MTMR9: variants seen among roughly 807,000 people sequenced by gnomAD.
MTMR9 encodes myotubularin related protein 9.
MTMR9 carries 39 observed loss-of-function variants against 69.5 expected under a neutral mutation model. The observed-to-expected ratio is 0.56, with a 90% confidence interval of 0.43 to 0.73. MTMR9 has a LOEUF of 0.73. Among genes scored for constraint, MTMR9 ranks in the 30% least tolerant of loss-of-function variants. MTMR9 has a pLI of 0.00. For missense variants in MTMR9, 900 were observed against 671.2 expected (o/e 1.34, Z -3.77); for synonymous variants, 354 against 240.8 (o/e 1.47, Z -4.35).
At chr8:11,291,225 CA>C (rs1197583537) in intron 1 of MTMR9, among the ~76,000 whole-genome samples, 1 of 152,022 alleles carries the variant, frequency 6.6e-6, no homozygotes, top group Non-Finnish European at 1.5e-5. Context: ...CATCCATGAA[CA>C]ATGTTACATT....
intron 3 of MTMR9, among the ~76,000 whole-genome samples, chr8:11,302,694 C>G (rs1293390998): frequency 6.6e-6 from 1 of 152,098 alleles, no homozygotes; most frequent in Non-Finnish European, 1.5e-5. Flanking sequence ...GTGACTACTT[C>G]TAGTCAGCTC....
Position 11,314,736 on chromosome 8 carries a change from C to T in MTMR9, c.972-187C>T, listed in dbSNP as rs553279076. 7.2e-5 allele frequency among the ~76,000 whole-genome samples: 11 copies of T among 152,232 alleles called. No individual in the cohort carries two copies. In the South Asian group the frequency reaches 1.7e-3, roughly 23 times the overall value. ...TTTTTCCCAAGAGAATCTTATCTAT[C>T]GTATGCCTTAGATTTAGATTTAGAT... On this transcript the variant is annotated intron_variant, in intron 6 of 9. Transcript: ENST00000221086.
chr8:11,306,306 C>G lies in MTMR9; in HGVS notation c.708C>G (p.Thr236=), dbSNP rs1799939928. The G allele has an allele frequency of 6.2e-7, 1 of 1,614,016 alleles. No individual in the cohort carries two copies. The change falls in exon 5 of 10, where the codon ACC becomes ACG. Residue 236 remains threonine, a synonymous_variant. Coordinates refer to ENST00000221086, the MANE Select transcript of MTMR9 (RefSeq NM_015458.4). ...RAGKRGYIID[T]RSLNVAQQTR... The stretch of plus-strand genomic sequence containing the variant: ...GAAAGCGTGGCTACATCATTGACAC[C>G]CGATCCCTGAACGTGGCTCAGCAAA...
chr8:11,292,960 G>A (rs1217794945), intron 1 of MTMR9, among the ~76,000 whole-genome samples: 2 of 152,116 alleles, frequency 1.3e-5, no homozygotes, highest in Non-Finnish European at 2.9e-5. Flanking sequence ...ATTTACTATA[G>A]TATACTTGTT....
intron 6 of MTMR9, among the ~76,000 whole-genome samples, chr8:11,313,579 A>G (rs1441316101): frequency 6.6e-6 from 1 of 152,174 alleles, no homozygotes; most frequent in Non-Finnish European, 1.5e-5. Context: ...TTTCATTTGA[A>G]CACTTACAGG....
intron 2 of MTMR9, among the ~76,000 whole-genome samples, chr8:11,299,187 G>A (rs1799663861): frequency 6.6e-6 from 1 of 152,094 alleles, no homozygotes; most frequent in Non-Finnish European, 1.5e-5. Context: ...AAAATTAGCT[G>A]GGTGTGGTGG....
intron 1 of MTMR9, among the ~76,000 whole-genome samples, chr8:11,288,406 C>G (rs114497258): frequency 1.4e-5 from 2 of 146,566 alleles, no homozygotes; most frequent in Non-Finnish European, 3.0e-5. Flanking sequence ...AGGAAAGTAA[C>G]GGAAGATGAG....
At position 11,324,976 on chromosome 8, in the gene MTMR9, C is replaced by T. The variant is rs966673634; in HGVS notation, c.*2188C>T. On this transcript the variant is annotated 3_prime_UTR_variant, in exon 10 of 10. Coordinates refer to ENST00000221086, the MANE Select transcript of MTMR9 (RefSeq NM_015458.4). ...GTCTGGTCATGGAGGGATGATGTACCATCAAGGTAGACCCATCTTCCTGAT... is the reference window on the plus strand; with the variant it reads ...GTCTGGTCATGGAGGGATGATGTACTATCAAGGTAGACCCATCTTCCTGAT... 1 of 152,226 alleles carries T rather than the reference C, an allele frequency of 6.6e-6. No homozygotes were observed. Among genetic ancestry groups the T allele is most frequent in the East Asian group, 1.9e-4 (1 of 5,202 alleles). The allele number at this position is 152,226 out of a possible 1,614,324, so 9.4% of individuals were successfully genotyped here.
At chr8:11,308,482 A>G (rs764712843) in intron 5 of MTMR9, among the ~76,000 whole-genome samples, 3 of 152,174 alleles carry the variant, frequency 2.0e-5, no homozygotes, top group Non-Finnish European at 4.4e-5. Context: ...GGCCATCAGG[A>G]CCAGGGCTTT....
intron 3 of MTMR9, among the ~76,000 whole-genome samples, chr8:11,303,461 G>A (rs921850947): frequency 3.3e-5 from 5 of 152,008 alleles, no homozygotes; most frequent in Admixed American, 3.3e-4. Context: ...AAATTGGGAT[G>A]GGCTAGCAAG....
Position 11,316,854 on chromosome 8 carries a change from C to T in MTMR9, c.1295C>T (p.Ser432Leu). 1 of 1,611,252 alleles carries T rather than the reference C, an allele frequency of 6.2e-7. No homozygotes were observed. Residue 432 changes from serine to leucine, a missense_variant, in exon 8 of 10, where the codon TCA becomes TTA. Transcript: ENST00000221086. ...LIMLFEHAYA[S>L]QFGTFLGNNE... ...ATGCTCTTTGAGCATGCTTATGCCT[C>T]ACAGTTTGGAACATTTCTGGGCAAC...
intron 6 of MTMR9, among the ~76,000 whole-genome samples, chr8:11,311,879 A>G (rs1193246529): frequency 1.7e-5 from 2 of 115,974 alleles, no homozygotes; most frequent in Non-Finnish European, 3.6e-5. Flanking sequence ...GGTATTCTAA[A>G]TCTTTTTTTT....
At chr8:11,321,204 T>A (rs535861053) in intron 9 of MTMR9, 2 of 319,658 alleles carry the variant, frequency 6.3e-6, no homozygotes, top group South Asian at 5.3e-5. Flanking sequence ...GGAAATGGTC[T>A]TAGATGGTCT....
chr8:11,319,447 T>C, intron 8 of MTMR9: 2 of 488,730 alleles, frequency 4.1e-6, no homozygotes, highest in Admixed American at 3.7e-5. Flanking sequence ...ATTCTGTTTT[T>C]ATCCTCCTGC....
chr8:11,298,953 A>G (rs1295713239), intron 2 of MTMR9: 1 of 816,880 alleles, frequency 1.2e-6, no homozygotes, highest in Non-Finnish European at 1.5e-6. Flanking sequence ...AAATATGATG[A>G]TACATGACCA....
Position 11,292,835 on chromosome 8 carries a change from C to G in MTMR9, c.183-2359C>G, listed in dbSNP as rs528050779. On this transcript the variant is annotated intron_variant, in intron 1 of 9. Coordinates refer to ENST00000221086, the MANE Select transcript of MTMR9 (RefSeq NM_015458.4). The stretch of plus-strand genomic sequence containing the variant: ...CAGTGACGTTGTGTTTGTGGTGATG[C>G]CAGTATAAACAACAAACCTGGGCTG... 3.3e-5 allele frequency among the ~76,000 whole-genome samples: 5 copies of G among 152,200 alleles called. No individual in the cohort carries two copies. In the East Asian group the frequency reaches 7.7e-4, roughly 23 times the overall value.
chr8:11,331,333 G>T (rs200261710), downstream of MTMR9: 1 of 1,613,960 alleles, frequency 6.2e-7, no homozygotes, highest in East Asian at 2.2e-5. Context: ...CTCATCTGTC[G>T]ATGCCTCTTC....
At chr8:11,294,920 C>A in intron 1 of MTMR9, 1 of 211,950 alleles carries the variant, frequency 4.7e-6, no homozygotes, top group Non-Finnish European at 9.2e-6. Flanking sequence ...GATCTTTTTC[C>A]TATTCTTTGA....
At position 11,312,784 on chromosome 8, in the gene MTMR9, T is replaced by C. The variant is rs1019648177; in HGVS notation, c.972-2139T>C. On this transcript the variant is annotated intron_variant, in intron 6 of 9. Coordinates refer to ENST00000221086, the MANE Select transcript of MTMR9 (RefSeq NM_015458.4). Reference sequence around the variant, plus strand: ...AGCTAGGGTAGCTATGGCCTTAAAATAAAACTTGAAAGCTGAAATTACTCT... The same window carrying C: ...AGCTAGGGTAGCTATGGCCTTAAAACAAAACTTGAAAGCTGAAATTACTCT... 3.3e-5 allele frequency among the ~76,000 whole-genome samples: 5 copies of C among 152,312 alleles called. No individual in the cohort carries two copies. In the South Asian group the frequency reaches 1.0e-3, roughly 32 times the overall value.
Sources: allele counts gnomAD v4.1 joint callset (sites outside exome capture counted in the v4.1 genomes callset), GRCh38; gene constraint gnomAD v4.1.1; transcripts MANE v1.5; gene names NCBI Gene and HGNC (gene_info 2026-07-23, HGNC 2026-07-21).